The following CADPS2 variants were observed in gnomAD, a reference collection of about 807,000 sequenced individuals.
CADPS2 encodes the protein calcium dependent secretion activator 2.
A neutral mutation model predicts 172.5 loss-of-function variants in CADPS2; 93 were observed. The ratio of observed to expected loss-of-function variants is 0.54; its 90% CI spans 0.46 to 0.64. The LOEUF (loss-of-function observed/expected upper bound fraction) is 0.64, where lower values mean the gene tolerates loss of function less well. CADPS2 is among the 30% of genes least tolerant of loss of function. The pLI is 0.00. For synonymous variants in CADPS2, 546 were observed against 555.2 expected, an observed-to-expected ratio of 0.98 and a Z score of 0.23; for missense variants, 1,420 against 1,565.9, an observed-to-expected ratio of 0.91 and a Z score of 1.57.
intron 3 of CADPS2, among the ~76,000 whole-genome samples, chr7:122,645,201 T>G (rs1005884487): frequency 3.5e-5 from 5 of 142,482 alleles, no homozygotes; most frequent in Middle Eastern, 3.6e-3. Context: ...TACACATATA[T>G]GTATATACAT....
At chr7:122,613,480 A>C (rs2074528986) in intron 6 of CADPS2, among the ~76,000 whole-genome samples, 1 of 152,118 alleles carries the variant, frequency 6.6e-6, no homozygotes, top group Non-Finnish European at 1.5e-5. Flanking sequence ...AGCTTGTATA[A>C]GTATACTCTA....
chr7:122,626,056 G>A (rs1422688824), intron 4 of CADPS2, among the ~76,000 whole-genome samples: 2 of 152,210 alleles, frequency 1.3e-5, no homozygotes, highest in African/African-American at 4.8e-5. Flanking sequence ...CGCCAAAGTG[G>A]ATTGAGCAAG....
chr7:122,549,209 C>G (rs1326441336), intron 8 of CADPS2, among the ~76,000 whole-genome samples: 2 of 152,046 alleles, frequency 1.3e-5, no homozygotes, highest in Admixed American at 6.6e-5. Flanking sequence ...CCAGCCTGGG[C>G]AACATAGCGA....
chr7:122,698,410 C>T, intron 2 of CADPS2: 4 of 1,613,966 alleles, frequency 2.5e-6, no homozygotes, highest in Admixed American at 1.7e-5. Flanking sequence ...AATGAGAACT[C>T]CCTTCTTAAT....
intron 2 of CADPS2, among the ~76,000 whole-genome samples, chr7:122,710,960 A>G (rs192808915): frequency 1.7e-3 from 254 of 152,178 alleles, no homozygotes; most frequent in African/African-American, 5.8e-3. Context: ...TCCCTGACAA[A>G]ATGTTGATTT....
chr7:122,453,723 T>C (rs896451271), intron 14 of CADPS2, among the ~76,000 whole-genome samples: 1 of 152,212 alleles, frequency 6.6e-6, no homozygotes, highest in African/African-American at 2.4e-5. Flanking sequence ...AATGAGATTG[T>C]CATCCACAGT....
chr7:122,850,195 C>T, intron 1 of CADPS2: 1 of 1,098,222 alleles, frequency 9.1e-7, no homozygotes, highest in Non-Finnish European at 1.2e-6. Flanking sequence ...TGATAGAGTA[C>T]CCTGAGGCTA....
At chr7:122,420,571 T>C (rs942714408) in intron 17 of CADPS2, among the ~76,000 whole-genome samples, 7 of 152,260 alleles carry the variant, frequency 4.6e-5, no homozygotes, top group Admixed American at 1.3e-4. Flanking sequence ...AGGTTATCAA[T>C]AGCCCCATTA....
intron 1 of CADPS2, among the ~76,000 whole-genome samples, chr7:122,849,133 C>T (rs1812813825): frequency 6.6e-6 from 1 of 152,170 alleles, no homozygotes; most frequent in African/African-American, 2.4e-5. Flanking sequence ...CAGAAATTTG[C>T]ATTTATATCA....
chr7:122,587,649 C>T (rs1406368972), intron 6 of CADPS2, among the ~76,000 whole-genome samples: 1 of 152,034 alleles, frequency 6.6e-6, no homozygotes, highest in Non-Finnish European at 1.5e-5. Context: ...ATTGCTGTGT[C>T]AATTCCATGT....
chr7:122,567,994 A>G (rs574313613), intron 7 of CADPS2, among the ~76,000 whole-genome samples: 2 of 152,318 alleles, frequency 1.3e-5, no homozygotes, highest in East Asian at 3.9e-4. Flanking sequence ...GAGGTGTGTC[A>G]GAATGGATAA....
At chr7:122,474,569 T>C in intron 12 of CADPS2, 52 bp from the exon 13 acceptor site, 3 of 1,557,136 alleles carry the variant, frequency 1.9e-6, no homozygotes, top group Non-Finnish European at 2.6e-6. Flanking sequence ...GGCTTAATGA[T>C]GGACATACAA....
intron 2 of CADPS2, among the ~76,000 whole-genome samples, chr7:122,730,579 T>A (rs920900073): frequency 2.6e-5 from 4 of 151,726 alleles, no homozygotes; most frequent in African/African-American, 4.8e-5. Context: ...TTATTATGCA[T>A]TTACTTAAAA....
chr7:122,640,520 A>G (rs551283471), intron 3 of CADPS2, among the ~76,000 whole-genome samples: 2,149 of 152,084 alleles, frequency 0.014, 28 homozygotes, highest in Non-Finnish European at 0.025. Context: ...GAGAAAAAAA[A>G]AGAAGGGAAG....
chr7:122,576,546 G>A (rs936473935), intron 7 of CADPS2, among the ~76,000 whole-genome samples: 1 of 152,116 alleles, frequency 6.6e-6, no homozygotes, highest in African/African-American at 2.4e-5. Flanking sequence ...ATACATTAAT[G>A]TACATTCTTT....
chr7:122,883,690 T>G (rs2141820190), intron 1 of CADPS2, among the ~76,000 whole-genome samples: 1 of 152,292 alleles, frequency 6.6e-6, no homozygotes, highest in East Asian at 1.9e-4. Context: ...AGCAGCACAT[T>G]TTTTAAAAGG....
intron 6 of CADPS2, among the ~76,000 whole-genome samples, chr7:122,601,555 A>C (rs1266586996): frequency 1.3e-5 from 2 of 152,034 alleles, no homozygotes; most frequent in East Asian, 3.9e-4. Context: ...AAGTTCTGGG[A>C]ACAAAATAAA....
intron 25 of CADPS2, among the ~76,000 whole-genome samples, chr7:122,376,942 T>C (rs1236458501): frequency 1.3e-5 from 2 of 152,144 alleles, no homozygotes; most frequent in African/African-American, 4.8e-5. Flanking sequence ...TTGCATCATC[T>C]TTTTAAAAAA....
intron 22 of CADPS2, 80 bp from the exon 23 acceptor site, chr7:122,388,818 G>A (rs1044180729): frequency 1.2e-5 from 15 of 1,242,958 alleles, no homozygotes; most frequent in Non-Finnish European, 1.6e-5. Flanking sequence ...TTTCTTTTCT[G>A]CATCAATTGC....
Sources: allele counts gnomAD v4.1 joint callset (sites outside exome capture counted in the v4.1 genomes callset), GRCh38; gene constraint gnomAD v4.1.1; transcripts MANE v1.5; gene names NCBI Gene and HGNC (gene_info 2026-07-23, HGNC 2026-07-21).